Variants in SPTBN4 observed in about 807,000 individuals in gnomAD.
SPTBN4 encodes the protein spectrin beta chain, non-erythrocytic 4.
Under a neutral mutation model 277.8 loss-of-function variants are expected in SPTBN4, and 96 were observed. The observed-to-expected ratio is 0.35, with a 90% CI of 0.29 to 0.41. The LOEUF is 0.41. SPTBN4 is among the 10% of genes least tolerant of loss of function. The probability of loss-of-function intolerance (pLI) is 1.00; values close to 1 mark genes in which losing one functional copy is unlikely to be tolerated. For missense variants in SPTBN4, 3,006 were observed against 3,595.7 expected, an observed-to-expected ratio of 0.84 and a Z score of 4.19; for synonymous variants, 1,481 against 1,580.3, an observed-to-expected ratio of 0.94 and a Z score of 1.49.
At chr19:40,472,880 A>T in intron 2 of SPTBN4, 90 bp downstream of exon 2, 1 of 1,311,756 alleles carries the variant, frequency 7.6e-7, no homozygotes, top group East Asian at 2.5e-5. Flanking sequence ...GTGGGAAAAG[A>T]GACCAGCACT....
chr19:40,575,115 C>T (rs1898666649), intron 35 of SPTBN4, among the ~76,000 whole-genome samples: 1 of 151,956 alleles, frequency 6.6e-6, no homozygotes, highest in South Asian at 2.1e-4. Context: ...AGCACAGGGC[C>T]TAGTAAATAT....
chr19:40,538,582 G>A (rs2080764896), intron 20 of SPTBN4, among the ~76,000 whole-genome samples: 1 of 152,010 alleles, frequency 6.6e-6, no homozygotes, highest in African/African-American at 2.4e-5. Context: ...CCCTACTATT[G>A]ATGTCTTGAA....
At chr19:40,511,971 A>G (rs1002611473) in intron 13 of SPTBN4, among the ~76,000 whole-genome samples, 7 of 152,154 alleles carry the variant, frequency 4.6e-5, no homozygotes, top group African/African-American at 1.7e-4. Flanking sequence ...TAAAAATACA[A>G]AAATGAGCCA....
Position 40,513,380 on chromosome 19 carries a change from C to G in SPTBN4, c.2591C>G (p.Ala864Gly). Residue 864 changes from alanine (A) to glycine (G), a missense_variant, in exon 14 of 36, where the codon GCT becomes GGT. Ala to Gly is a moderately conservative substitution (Grantham distance 60). Coordinates refer to ENST00000598249, the MANE Select transcript of SPTBN4 (RefSeq NM_020971.3). ...GTGGTGGAAGCAGAGCAGTTGTTCG[C>G]TGAGGTGACCGAAGTGGCGGCGCTG... ...VRVVEAEQLFAEVTEVAALRR... is the reference protein window; with the variant it reads ...VRVVEAEQLFGEVTEVAALRR... 3 of 1,603,888 alleles carry G rather than the reference C, an allele frequency of 1.9e-6. No individual in the cohort carries two copies. The South Asian group carries it at 3.3e-5, about 18-fold the overall frequency.
intron 18 of SPTBN4, among the ~76,000 whole-genome samples, chr19:40,531,011 C>T (rs2080663492): frequency 6.7e-6 from 1 of 150,072 alleles, no homozygotes; most frequent in Non-Finnish European, 1.5e-5. Flanking sequence ...CTGTATCAGC[C>T]TTGGATGATG....
At position 40,570,527 on chromosome 19, in the gene SPTBN4, G is replaced by C. The variant is rs929527066; in HGVS notation, c.7118G>C (p.Arg2373Pro). 1 of 1,457,596 alleles carries C rather than the reference G, an allele frequency of 6.9e-7. No homozygotes were observed. The highest frequency in any genetic ancestry group is 1.5e-5 in the African/African-American group (1 of 67,900). The allele number at this position is 1,457,596 out of a possible 1,614,324, so 90.3% of individuals were successfully genotyped here. A position where few individuals can be genotyped will look rare whatever the true frequency, so the allele number is the denominator to read the frequency against. ...CGGACACCTCGGCCGGACCGGCCCC[G>C]GGCGCGGGACCGGCCCAAGCCGCGA... ...PERTPRPDRPRARDRPKPRRR... is the reference protein window; with the variant it reads ...PERTPRPDRPPARDRPKPRRR... Residue 2373 changes from arginine (R) to proline (P), a missense_variant, in exon 33 of 36, where the codon CGG becomes CCG. By Grantham distance (103) the Arg-to-Pro change is moderately radical. Transcript: ENST00000598249.
chr19:40,569,532 G>A, intron 31 of SPTBN4, 125 bp from the exon 32 acceptor site: 2 of 893,066 alleles, frequency 2.2e-6, no homozygotes, highest in Non-Finnish European at 3.5e-6. Flanking sequence ...GAGAGAAACA[G>A]CTGCAGAAGT....
chr19:40,470,185 G>A (rs1054446229), intron 1 of SPTBN4, among the ~76,000 whole-genome samples: 1 of 151,544 alleles, frequency 6.6e-6, no homozygotes, highest in African/African-American at 2.4e-5. Flanking sequence ...TTTTAGTAGA[G>A]ATGGAGTTTC....
intron 2 of SPTBN4, among the ~76,000 whole-genome samples, chr19:40,473,195 C>T (rs956152080): frequency 2.0e-5 from 3 of 151,878 alleles, no homozygotes; most frequent in African/African-American, 7.3e-5. Context: ...TACAGGTGCC[C>T]GCCACCACAC....
intron 2 of SPTBN4, among the ~76,000 whole-genome samples, chr19:40,482,818 G>A (rs1019720511): frequency 5.3e-5 from 8 of 151,984 alleles, no homozygotes; most frequent in Admixed American, 1.3e-4. Context: ...AAAATTAGCC[G>A]GGCCTCGTGG....
rs544231595 is a variant in SPTBN4, at chr19:40,562,516, C to T, written c.5915+2113C>T. Among the ~76,000 whole-genome samples the T allele has an allele frequency of 3.2e-3, 283 of 89,758 alleles. 2 individuals are homozygous for T. Among genetic ancestry groups the T allele is most frequent in the African/African-American group, 0.013 (276 of 21,314 alleles). 58.9% of individuals were successfully genotyped at this position (89,758 alleles called of 152,430 possible). ...CTGCACTCCAGCCTGGGCAACAGAG[C>T]GAGACTCTGTGTCAAAAAAAAAAAA... On this transcript the variant is annotated intron_variant, in intron 27 of 35. Coordinates refer to ENST00000598249, the MANE Select transcript of SPTBN4 (RefSeq NM_020971.3).
At chr19:40,504,421 C>A (rs545465427) in intron 12 of SPTBN4, among the ~76,000 whole-genome samples, 151 of 152,320 alleles carry the variant, frequency 9.9e-4, no homozygotes, top group African/African-American at 3.4e-3. Flanking sequence ...AATACCAGCA[C>A]TTTGGGAGGC....
At chr19:40,501,855 C>T in intron 7 of SPTBN4, 66 bp from the exon 8 acceptor site, 4 of 1,373,656 alleles carry the variant, frequency 2.9e-6, no homozygotes, top group Non-Finnish European at 3.1e-6. Context: ...ATCCCTCCAT[C>T]CAATACCTTC....
intron 13 of SPTBN4, among the ~76,000 whole-genome samples, chr19:40,507,784 G>A (rs572597396): frequency 3.9e-5 from 6 of 152,190 alleles, no homozygotes; most frequent in South Asian, 4.1e-4. Flanking sequence ...GCCATGAGCC[G>A]AGATCGCACC....
chr19:40,554,080 G>A lies in SPTBN4; in HGVS notation c.4675-67G>A, dbSNP rs934233914. 1.1e-4 allele frequency: 145 copies of A among 1,365,956 alleles called. No individual in the cohort carries two copies. The highest frequency in any genetic ancestry group is 1.3e-4 in the Non-Finnish European group (140 of 1,061,850). The allele number at this position is 1,365,956 out of a possible 1,614,324, so 84.6% of individuals were successfully genotyped here. ...CGTGGGCCGTGCCAGTAGCAGAGGAGCGTGTGGTCTTGCAGGGCCTCGGAA... is the reference window on the plus strand; with the variant it reads ...CGTGGGCCGTGCCAGTAGCAGAGGAACGTGTGGTCTTGCAGGGCCTCGGAA... On this transcript the variant is annotated intron_variant, in intron 22 of 35. Coordinates refer to ENST00000598249, the MANE Select transcript of SPTBN4 (RefSeq NM_020971.3). This position sits in a 1 kb window ranked among gnomAD's most constrained non-coding sequence, Gnocchi z 5.7.
At chr19:40,539,117 G>A (rs918926114) in intron 20 of SPTBN4, among the ~76,000 whole-genome samples, 3 of 152,042 alleles carry the variant, frequency 2.0e-5, no homozygotes, top group South Asian at 2.1e-4. Flanking sequence ...GATCACAGGC[G>A]TGAGCCACTG....
rs547478742 is a variant in SPTBN4, at chr19:40,478,690, C to T, written c.169+5900C>T. The stretch of plus-strand genomic sequence containing the variant: ...CCTCCCGAGTAGTTGGTATTACAGG[C>T]GCCCGTCACCACGCCCAGCTAATAT... On this transcript the variant is annotated intron_variant, in intron 2 of 35. Transcript: ENST00000598249. 1.2e-4 allele frequency among the ~76,000 whole-genome samples: 19 copies of T among 152,158 alleles called. No homozygotes were observed. In the South Asian group the frequency reaches 2.3e-3, roughly 18 times the overall value.
intron 5 of SPTBN4, 71 bp from the exon 6 acceptor site, chr19:40,494,826 C>G: frequency 7.3e-7 from 1 of 1,373,398 alleles, no homozygotes; most frequent in Non-Finnish European, 1.0e-6. Context: ...CGGTCTCCCT[C>G]TGTCTTTTTC....
Position 40,560,778 on chromosome 19 carries a change from C to T in SPTBN4, c.5915+375C>T. On this transcript the variant is annotated intron_variant, in intron 27 of 35. Coordinates refer to ENST00000598249, the MANE Select transcript of SPTBN4 (RefSeq NM_020971.3). This position sits in a 1 kb window ranked among gnomAD's most constrained non-coding sequence, Gnocchi z 5.2. ...GCATCTCAGTGGCTTCATTAGTGGG[C>T]ATGGGCTTATTGCTCACATAGTGGT... 1 of 1,241,120 alleles carries T rather than the reference C, an allele frequency of 8.1e-7. No individual in the cohort carries two copies. The highest frequency in any genetic ancestry group is 1.0e-6 in the Non-Finnish European group (1 of 980,364). 76.9% of individuals were successfully genotyped at this position (1,241,120 alleles called of 1,614,324 possible). A position where few individuals can be genotyped will look rare whatever the true frequency, so the allele number is the denominator to read the frequency against.
Sources: gnomAD v4.1 joint callset for allele counts (sites outside exome capture counted in the v4.1 genomes callset) on GRCh38, gnomAD v4.1.1 for gene constraint, Gnocchi (gnomAD v3.1) non-coding constraint, MANE v1.5 for transcripts, NCBI Gene and HGNC (gene_info 2026-07-23, HGNC 2026-07-21) for gene names.